Variants in CEP55 observed in about 807,000 individuals in gnomAD.
The protein encoded by CEP55 is centrosomal protein of 55 kDa.
In CEP55, 57 loss-of-function variants were observed where a neutral mutation model predicts 63.2. The observed-to-expected ratio is 0.90, with a 90% confidence interval of 0.73 to 1.13. CEP55 has a LOEUF of 1.13. Among genes scored for constraint, CEP55 ranks in the 50% most tolerant of loss-of-function variants. The pLI, the probability that CEP55 is intolerant of heterozygous loss-of-function variation, is 0.00. For missense variants in CEP55, 456 were observed against 518.9 expected (o/e 0.88, Z 1.18); for synonymous variants, 178 against 191.6 (o/e 0.93, Z 0.59).
intron 8 of CEP55, among the ~76,000 whole-genome samples, chr10:93,520,855 A>G (rs1379189266): frequency 6.6e-6 from 1 of 152,236 alleles, no homozygotes; most frequent in African/African-American, 2.4e-5. Context: ...TCTGTTCTTA[A>G]GTATATAATT....
At position 93,517,003 on chromosome 10, in the gene CEP55, G is replaced by A; in HGVS notation, c.748G>A (p.Val250Ile). The change falls in exon 6 of 9, where the codon GTT (valine) becomes ATT (isoleucine). Residue 250 changes from valine (V) to isoleucine (I), a missense_variant. Transcript: ENST00000371485. Reference protein sequence around the residue: ...LLASAKKDLEVERQTITQLSF... With the variant: ...LLASAKKDLEIERQTITQLSF... ...GGCAAGTGCAAAAAAAGATCTTGAG[G>A]TTGAACGACAAACCATAACTCAGCT... 3 of 1,609,016 alleles carry A rather than the reference G, an allele frequency of 1.9e-6. No individual in the cohort carries two copies. The highest frequency in any genetic ancestry group is 2.6e-6 in the Non-Finnish European group (3 of 1,176,388).
chr10:93,512,353 A>G (rs991678962), intron 4 of CEP55, among the ~76,000 whole-genome samples: 5 of 151,318 alleles, frequency 3.3e-5, no homozygotes, highest in African/African-American at 1.2e-4. Context: ...CATCTCTACT[A>G]AAAATACAAA....
rs992748106 is a variant in CEP55 at position 93,528,352 on chromosome 10, C to T, written c.*199C>T. 1.7e-6 allele frequency: 1 copy of T among 584,876 alleles called. No homozygotes were observed. Among genetic ancestry groups the T allele is most frequent in the African/African-American group, 1.9e-5 (1 of 53,430 alleles). The allele number at this position is 584,876 out of a possible 1,614,324, so 36.2% of individuals were successfully genotyped here. On this transcript the variant is annotated 3_prime_UTR_variant, in exon 9 of 9. Transcript: ENST00000371485. ...GTGATACCTCCCTGACATGGTTCAT[C>T]ATCAGGCTGCAATGACAGAATGTGG...
At chr10:93,500,018 C>T (rs41290212) in intron 1 of CEP55, 22 bp from the exon 2 acceptor site, 101,784 of 1,484,260 alleles carry the variant, frequency 0.069, 4,052 homozygotes, top group Non-Finnish European at 0.081. Context: ...CAGAATTATA[C>T]AGTTGATTTT....
chr10:93,503,200 C>G lies in CEP55; in HGVS notation c.271C>G (p.Leu91Val), dbSNP rs1589646734. 2 of 1,613,842 alleles carry G rather than the reference C, an allele frequency of 1.2e-6. No individual in the cohort carries two copies. The highest frequency in any genetic ancestry group is 1.7e-6 in the Non-Finnish European group (2 of 1,179,906). ...AGAAATACAGCGACTGAGAGACCAA[C>G]TGAAGGCCAGATATAGTACTACCAC... is the stretch of plus-strand genomic sequence containing the variant. ...DKEIQRLRDQ[L>V]KARYSTTTLL... Residue 91 changes from leucine to valine, a missense_variant, in exon 3 of 9, where the codon CTG (leucine) becomes GTG (valine). Transcript: ENST00000371485.
rs766713236 is a variant in CEP55, at chr10:93,528,089, A to T, written c.1331A>T (p.Asn444Ile). The T allele has an allele frequency of 1.2e-6, 2 of 1,614,108 alleles. No homozygotes were observed. Among genetic ancestry groups the T allele is most frequent in the Admixed American group, 1.7e-5 (1 of 59,994 alleles). ...AGCCTGGTGGAATGTCCCAAGTGCA[A>T]TATACAGTATCCAGCCACTGAGCAT... ...NESLVECPKC[N>I]IQYPATEHRD... Residue 444 changes from asparagine to isoleucine, a missense_variant, in exon 9 of 9, where the codon AAT becomes ATT. Physicochemically the swap from Asn to Ile is moderately radical, Grantham distance 149. Transcript: ENST00000371485.
At chr10:93,498,414 T>A (rs187359818) in intron 1 of CEP55, among the ~76,000 whole-genome samples, 25 of 152,336 alleles carry the variant, frequency 1.6e-4, no homozygotes, top group African/African-American at 5.3e-4. Context: ...GTCAACAGTG[T>A]GTTATCAACA....
In CEP55 at chr10:93,528,173, G is replaced by T. The variant is rs2057944354; in HGVS notation, c.*20G>T. The T allele has an allele frequency of 6.3e-6, 10 of 1,583,914 alleles. No individual in the cohort carries two copies. Among genetic ancestry groups the T allele is most frequent in the Non-Finnish European group, 8.7e-6 (10 of 1,153,580 alleles). On this transcript the variant is annotated 3_prime_UTR_variant, in exon 9 of 9. Coordinates refer to ENST00000371485, the MANE Select transcript of CEP55 (RefSeq NM_018131.5). ...AAGTAGCAAAATAAGTATTTGTTTT[G>T]ATATTAAAAGATTCAATACTGTATT...
intron 8 of CEP55, among the ~76,000 whole-genome samples, chr10:93,521,264 G>A (rs1055730768): frequency 2.6e-5 from 4 of 152,242 alleles, no homozygotes; most frequent in African/African-American, 9.6e-5. Context: ...GCGCTATTCC[G>A]ACGGTCTTAG....
rs2057942571 is a variant in CEP55, at chr10:93,528,061, G to T, written c.1303G>T (p.Glu435Ter). 1 of 1,613,910 alleles carries T rather than the reference G, an allele frequency of 6.2e-7. No individual in the cohort carries two copies. The highest frequency in any genetic ancestry group is 1.3e-5 in the African/African-American group (1 of 74,900). Residue 435 changes from glutamate to a stop codon, truncating the protein, a stop_gained, in exon 9 of 9, where the codon GAA (glutamate) becomes TAA (stop). Transcript: ENST00000371485. LOFTEE classifies it high-confidence loss of function. Reference protein sequence around the residue: ...SPKSPTAALNESLVECPKCNI... With the variant: ...SPKSPTAALN ...AAAAAGTCCCACTGCTGCACTCAAT[G>T]AAAGCCTGGTGGAATGTCCCAAGTG...
At chr10:93,504,210 C>T (rs959412547) in intron 3 of CEP55, among the ~76,000 whole-genome samples, 5 of 152,134 alleles carry the variant, frequency 3.3e-5, no homozygotes, top group Non-Finnish European at 7.3e-5. Flanking sequence ...TGGTGGCTCA[C>T]GCCTATAATC....
intron 8 of CEP55, among the ~76,000 whole-genome samples, chr10:93,523,921 C>G (rs2057891908): frequency 6.6e-6 from 1 of 152,192 alleles, no homozygotes; most frequent in African/African-American, 2.4e-5. Context: ...ACCAGAATCT[C>G]TGGGACACAT....
intron 5 of CEP55, among the ~76,000 whole-genome samples, chr10:93,515,930 G>T (rs1426536057): frequency 6.6e-6 from 1 of 152,148 alleles, no homozygotes; most frequent in African/African-American, 2.4e-5. Context: ...CCAGGAGAAA[G>T]AATGCCTTTT....
chr10:93,501,861 G>T (rs889622491), intron 2 of CEP55, among the ~76,000 whole-genome samples: 5 of 152,040 alleles, frequency 3.3e-5, no homozygotes, highest in Admixed American at 6.6e-5. Context: ...TTTGCAATCT[G>T]GTAAAGGAAT....
chr10:93,506,377 G>A (rs1447560105), intron 3 of CEP55, among the ~76,000 whole-genome samples: 1 of 152,010 alleles, frequency 6.6e-6, no homozygotes, highest in Non-Finnish European at 1.5e-5. Context: ...AAAATCACTG[G>A]GCTATTCATA....
In CEP55 at chr10:93,515,538, A is replaced by G. The variant is rs1332191971; in HGVS notation, c.662A>G (p.Lys221Arg). Residue 221 changes from lysine (K) to arginine (R), a missense_variant, in exon 5 of 9, where the codon AAA (lysine) becomes AGA (arginine). Lys to Arg is a conservative substitution (Grantham distance 26). Coordinates refer to ENST00000371485, the MANE Select transcript of CEP55 (RefSeq NM_018131.5). ...TAAHSLPQQT[K>R]KPESEGYLQE... ...GCTCATTCACTCCCACAGCAGACAA[A>G]AAAGCCTGAATCAGAAGGTACTGAC... The G allele has an allele frequency of 6.2e-7, 1 of 1,613,262 alleles. No individual in the cohort carries two copies. Among genetic ancestry groups the G allele is most frequent in the East Asian group, 2.2e-5 (1 of 44,856 alleles).
chr10:93,519,479 C>A (rs555909541), intron 7 of CEP55, among the ~76,000 whole-genome samples: 10 of 152,202 alleles, frequency 6.6e-5, no homozygotes, highest in Non-Finnish European at 1.5e-4. Flanking sequence ...TATACCTCAG[C>A]GTTGGCTTTG....
chr10:93,516,969 C>T lies in CEP55; in HGVS notation c.714C>T (p.Asn238=), dbSNP rs759888129. 9.4e-6 allele frequency: 15 copies of T among 1,593,556 alleles called. No homozygotes were observed. The highest frequency in any genetic ancestry group is 5.1e-5 in the Admixed American group (3 of 58,410). ...YLQEEKQKCY[N]DLLASAKKDL... ...AAGAAGAGAAGCAGAAATGTTACAA[C>T]GATCTCTTGGCAAGTGCAAAAAAAG... Residue 238 remains asparagine, a synonymous_variant, in exon 6 of 9, where the codon AAC becomes AAT. Coordinates refer to ENST00000371485, the MANE Select transcript of CEP55 (RefSeq NM_018131.5).
intron 4 of CEP55, among the ~76,000 whole-genome samples, chr10:93,513,532 G>C (rs1483914633): frequency 6.6e-6 from 1 of 152,126 alleles, no homozygotes; most frequent in Non-Finnish European, 1.5e-5. Flanking sequence ...TGGAACTAGA[G>C]GTCTGGAAAG....
Sources: gnomAD v4.1 joint callset for allele counts (sites outside exome capture counted in the v4.1 genomes callset) on GRCh38, gnomAD v4.1.1 for gene constraint, MANE v1.5 for transcripts, NCBI Gene and HGNC (gene_info 2026-07-23, HGNC 2026-07-21) for gene names.